POLA1: variants seen among roughly 807,000 people sequenced by gnomAD.
The protein encoded by POLA1 is DNA polymerase alpha catalytic subunit.
In POLA1, 15 loss-of-function variants were observed where a neutral mutation model predicts 124.0. That is an observed-to-expected ratio of 0.12 (90% CI 0.08 to 0.19). POLA1 has a LOEUF of 0.19. Among genes scored for constraint, POLA1 ranks in the 10% least tolerant of loss-of-function variants. POLA1 has a pLI of 1.00. For missense variants in POLA1, 886 were observed against 1,103.4 expected, an observed-to-expected ratio of 0.80 and a Z score of 2.79; for synonymous variants, 408 against 389.4, an observed-to-expected ratio of 1.05 and a Z score of -0.56.
chrX:24,810,867 C>T, intron 28 of POLA1, 67 bp downstream of exon 28: 1 of 548,851 alleles, frequency 1.8e-6, no homozygotes, highest in Non-Finnish European at 3.1e-6. Context: ...ACATGGAACA[C>T]TATAAATTCA....
At chrX:24,711,668 G>T (rs1929448373) in intron 4 of POLA1, among the ~76,000 whole-genome samples, 1 of 111,163 alleles carries the variant, frequency 9.0e-6, no homozygotes, top group Non-Finnish European at 1.9e-5. Flanking sequence ...CGCGATCTCG[G>T]CTCATTGCAA....
intron 30 of POLA1, among the ~76,000 whole-genome samples, chrX:24,815,752 G>C (rs2045980816): frequency 9.0e-6 from 1 of 111,329 alleles, no homozygotes; most frequent in Non-Finnish European, 1.9e-5. Flanking sequence ...TTTTGTGGTA[G>C]ATTTCGTTGT....
intron 16 of POLA1, 141 bp downstream of exon 16, chrX:24,732,595 TTTTG>T (rs1223942486): frequency 5.9e-6 from 2 of 337,219 alleles, no homozygotes; most frequent in Admixed American, 6.5e-5. Context: ...TTTTGTTTTT[TTTTG>T]TTTTTTTTTT....
chrX:24,921,205 A>AT (rs1423353081), intron 35 of POLA1, among the ~76,000 whole-genome samples: 1 of 112,615 alleles, frequency 8.9e-6, no homozygotes, highest in Admixed American at 9.4e-5. Flanking sequence ...AGGGTTGTGA[A>AT]TTTTTTTTAT....
In POLA1 at chrX:24,760,559, C is replaced by T. The variant is rs778945298; in HGVS notation, c.2964+11567C>T. On this transcript the variant is annotated intron_variant, in intron 26 of 36. Transcript: ENST00000379068. ...TACCCGTCACAACAGTATGGTCAGACCCATTAAAGACACATCCCTGTCAAA... is the reference window on the plus strand; with the variant it reads ...TACCCGTCACAACAGTATGGTCAGATCCATTAAAGACACATCCCTGTCAAA... Among the ~76,000 whole-genome samples, 5 of 112,033 alleles carry T rather than the reference C, an allele frequency of 4.5e-5. No homozygotes were observed. The Admixed American group carries it at 4.7e-4, about 11-fold the overall frequency.
chrX:24,722,495 G>T (rs1177885215), intron 10 of POLA1, among the ~76,000 whole-genome samples: 2 of 111,909 alleles, frequency 1.8e-5, no homozygotes, highest in African/African-American at 3.2e-5. Flanking sequence ...CTATTGTGAG[G>T]TATTTATTAT....
At chrX:24,866,573 A>G (rs1312413051) in intron 34 of POLA1, among the ~76,000 whole-genome samples, 1 of 112,117 alleles carries the variant, frequency 8.9e-6, no homozygotes, top group African/African-American at 3.2e-5. Context: ...TGCTGAGCCT[A>G]TAGGACCTCC....
At chrX:24,907,237 C>G (rs2047382737) in intron 35 of POLA1, among the ~76,000 whole-genome samples, 1 of 110,214 alleles carries the variant, frequency 9.1e-6, no homozygotes. Flanking sequence ...CAGGAAAAGA[C>G]TGGGAGGGGG....
At chrX:24,775,035 G>A (rs1159007476) in intron 26 of POLA1, among the ~76,000 whole-genome samples, 1 of 111,426 alleles carries the variant, frequency 9.0e-6, no homozygotes, top group Non-Finnish European at 1.9e-5. Flanking sequence ...GTGATGTTAC[G>A]TACATATGAA....
intron 6 of POLA1, 35 bp from the exon 7 acceptor site, chrX:24,716,327 G>A (rs1929833784): frequency 1.4e-6 from 1 of 728,576 alleles, no homozygotes; most frequent in African/African-American, 2.1e-5. Context: ...GGTAAACCAA[G>A]CATGGCAGTG....
At chrX:24,723,682 CT>C (rs1930344621) in intron 11 of POLA1, among the ~76,000 whole-genome samples, 1 of 111,148 alleles carries the variant, frequency 9.0e-6, no homozygotes, top group Admixed American at 9.5e-5. Context: ...CTATTTGCTT[CT>C]TTTTTTTTCT....
intron 35 of POLA1, among the ~76,000 whole-genome samples, chrX:24,925,019 A>G (rs1346731101): frequency 8.9e-6 from 1 of 112,113 alleles, no homozygotes; most frequent in East Asian, 2.8e-4. Context: ...CATGTACCTC[A>G]TGATCTCTGT....
At chrX:24,719,364 G>C (rs1354247719) in intron 10 of POLA1, among the ~76,000 whole-genome samples, 3 of 111,835 alleles carry the variant, frequency 2.7e-5, no homozygotes, top group African/African-American at 9.7e-5. Context: ...CACTTGAGTA[G>C]CACACTGCCA....
intron 26 of POLA1, among the ~76,000 whole-genome samples, chrX:24,790,855 A>G (rs2045476004): frequency 9.5e-6 from 1 of 105,408 alleles, no homozygotes; most frequent in Non-Finnish European, 1.9e-5. Flanking sequence ...GTGTATATGA[A>G]TATGTGCACT....
intron 26 of POLA1, among the ~76,000 whole-genome samples, chrX:24,784,059 CTTTT>C (rs11295214): frequency 1.7e-5 from 1 of 59,502 alleles, no homozygotes. Context: ...ATTTATATTT[CTTTT>C]TTTTTTTTTT....
intron 26 of POLA1, among the ~76,000 whole-genome samples, chrX:24,785,205 A>G (rs1479607728): frequency 8.9e-6 from 1 of 112,523 alleles, no homozygotes; most frequent in East Asian, 2.8e-4. Flanking sequence ...ATCCAGACTA[A>G]CATCCAAAGA....
chrX:24,716,061 ATG>A (rs1929807681), intron 6 of POLA1, among the ~76,000 whole-genome samples: 1 of 111,744 alleles, frequency 8.9e-6, no homozygotes, highest in African/African-American at 3.2e-5. Flanking sequence ...CAACAACACC[ATG>A]TAGTTTTATC....
At position 24,718,492 on chromosome X, in the gene POLA1, A is replaced by C. The variant is rs767150118; in HGVS notation, c.1087+734A>C. Among the ~76,000 whole-genome samples, 16 of 111,914 alleles carry C rather than the reference A, an allele frequency of 1.4e-4. No homozygotes were observed. In the South Asian group the frequency reaches 2.3e-3, roughly 16 times the overall value. ...CTGTGTGGTTGTAGCATAGTAATCAAGTGACAAGATTGGTATAAAATGAAG... is the reference window on the plus strand; with the variant it reads ...CTGTGTGGTTGTAGCATAGTAATCACGTGACAAGATTGGTATAAAATGAAG... On this transcript the variant is annotated intron_variant, in intron 10 of 36. Coordinates refer to ENST00000379068, the MANE Select transcript of POLA1 (RefSeq NM_001330360.2).
At chrX:24,743,856 T>C (rs1931826994) in intron 23 of POLA1, among the ~76,000 whole-genome samples, 2 of 111,934 alleles carry the variant, frequency 1.8e-5, no homozygotes, top group Admixed American at 9.5e-5. Context: ...AAAGATGTTT[T>C]GTGGTACACA....
Sources: allele counts gnomAD v4.1 joint callset (sites outside exome capture counted in the v4.1 genomes callset), GRCh38; gene constraint gnomAD v4.1.1; transcripts MANE v1.5; gene names NCBI Gene and HGNC (gene_info 2026-07-23, HGNC 2026-07-21).